Variants in CNIH3 observed in about 807,000 individuals in gnomAD.
CNIH3 encodes cornichon family AMPA receptor auxiliary protein 3.
Under a neutral mutation model 24.1 loss-of-function variants are expected in CNIH3, and 14 were observed. The ratio of observed to expected loss-of-function variants is 0.58; its 90% CI spans 0.38 to 0.91. The LOEUF (loss-of-function observed/expected upper bound fraction) is 0.91, where lower values mean the gene tolerates loss of function less well. CNIH3 is among the 40% of genes least tolerant of loss of function. The pLI is 0.00. For missense variants in CNIH3, 178 were observed against 196.8 expected (o/e 0.90, Z 0.57); for synonymous variants, 68 against 73.8 (o/e 0.92, Z 0.40).
intron 1 of CNIH3, among the ~76,000 whole-genome samples, chr1:224,449,750 A>G (rs893448120): frequency 5.9e-5 from 9 of 152,222 alleles, no homozygotes; most frequent in African/African-American, 1.7e-4. Flanking sequence ...TGCTTACATG[A>G]TAAAATCTAA....
At chr1:224,479,412 C>T (rs1288508190) in intron 1 of CNIH3, among the ~76,000 whole-genome samples, 3 of 152,224 alleles carry the variant, frequency 2.0e-5, no homozygotes, top group African/African-American at 7.2e-5. Flanking sequence ...CCTTGGCCTC[C>T]CAAAGTGCTG....
At chr1:224,463,548 AG>A (rs1205338612) in intron 1 of CNIH3, among the ~76,000 whole-genome samples, 1 of 151,684 alleles carries the variant, frequency 6.6e-6, no homozygotes, top group Non-Finnish European at 1.5e-5. Context: ...AGCTGGGGTT[AG>A]GCATGTGCCA....
upstream of CNIH3, among the ~76,000 whole-genome samples, chr1:224,613,637 G>A (rs552486065): frequency 3.7e-4 from 57 of 152,214 alleles, no homozygotes; most frequent in South Asian, 2.1e-3. Flanking sequence ...TGCTGTCCTC[G>A]CAATAAAGAG....
chr1:224,530,537 T>G (rs58444825), intron 2 of CNIH3, among the ~76,000 whole-genome samples: 2,063 of 152,226 alleles, frequency 0.014, 55 homozygotes, highest in African/African-American at 0.047. Flanking sequence ...CTGAGACACA[T>G]CCAAAACTAC....
chr1:224,624,383 C>T (rs551629905), intron 1 of CNIH3, among the ~76,000 whole-genome samples: 1 of 152,306 alleles, frequency 6.6e-6, no homozygotes, highest in African/African-American at 2.4e-5. Flanking sequence ...CCTCCCAGAC[C>T]TGTCCCCCGA....
At chr1:224,501,525 A>T (rs199540972) in intron 1 of CNIH3, among the ~76,000 whole-genome samples, 6,079 of 92,686 alleles carry the variant, frequency 0.066, 203 homozygotes, top group Admixed American at 0.16. Flanking sequence ...ATATATATAT[A>T]TTTTTTTTTT....
At chr1:224,575,044 C>A in intron 4 of CNIH3, 1 of 883,704 alleles carries the variant, frequency 1.1e-6, no homozygotes, top group Non-Finnish European at 1.9e-6. Context: ...TACTGCCAGT[C>A]CAAAGGCATC....
chr1:224,587,496 G>T (rs1416026920), intron 5 of CNIH3: 1 of 152,192 alleles, frequency 6.6e-6, no homozygotes, highest in Non-Finnish European at 1.5e-5. Context: ...CTTTGGGAAG[G>T]GAAGGCACAC....
chr1:224,596,656 T>C (rs531294912), intron 3 of CNIH3, among the ~76,000 whole-genome samples: 1 of 152,316 alleles, frequency 6.6e-6, no homozygotes, highest in East Asian at 1.9e-4. Flanking sequence ...TTGTATATGT[T>C]TTTGTCTATG....
At chr1:224,518,655 G>A (rs1191793323) in intron 1 of CNIH3, among the ~76,000 whole-genome samples, 2 of 152,104 alleles carry the variant, frequency 1.3e-5, no homozygotes, top group African/African-American at 4.8e-5. Flanking sequence ...TCAGCCCATT[G>A]AGGTCTCTTC....
intron 3 of CNIH3, among the ~76,000 whole-genome samples, chr1:224,558,285 T>C (rs1680224988): frequency 6.6e-6 from 1 of 152,194 alleles, no homozygotes; most frequent in African/African-American, 2.4e-5. Flanking sequence ...CATGGAGGTC[T>C]CAGGGTTCCA....
intron 3 of CNIH3, among the ~76,000 whole-genome samples, chr1:224,686,872 C>T (rs936194422): frequency 6.6e-6 from 1 of 152,220 alleles, no homozygotes; most frequent in Admixed American, 6.5e-5. Flanking sequence ...TGCAGATTTG[C>T]ATATCGTTTG....
intron 2 of CNIH3, among the ~76,000 whole-genome samples, chr1:224,681,450 G>A (rs1376504052): frequency 1.3e-5 from 2 of 152,228 alleles, no homozygotes; most frequent in Non-Finnish European, 2.9e-5. Context: ...AATGCACAAA[G>A]TCCCTGGCGC....
At chr1:224,520,061 A>G (rs1678563738) in intron 1 of CNIH3, among the ~76,000 whole-genome samples, 1 of 152,152 alleles carries the variant, frequency 6.6e-6, no homozygotes, top group Non-Finnish European at 1.5e-5. Context: ...CCTTTCTCCC[A>G]GGGTGACTCA....
At chr1:224,447,874 T>C (rs1013850347) in intron 1 of CNIH3, among the ~76,000 whole-genome samples, 1 of 152,166 alleles carries the variant, frequency 6.6e-6, no homozygotes. Flanking sequence ...TAGAGGTTAG[T>C]TAATGAAAAT....
At chr1:224,476,984 C>T (rs1676613648) in intron 1 of CNIH3, among the ~76,000 whole-genome samples, 1 of 152,216 alleles carries the variant, frequency 6.6e-6, no homozygotes, top group Non-Finnish European at 1.5e-5. Context: ...CCTCACCCTG[C>T]TCCCAAGCAG....
At chr1:224,492,014 C>A (rs1677254802) in intron 1 of CNIH3, among the ~76,000 whole-genome samples, 1 of 152,182 alleles carries the variant, frequency 6.6e-6, no homozygotes, top group Non-Finnish European at 1.5e-5. Flanking sequence ...CTTGGCCTCT[C>A]AAAGTGCTGG....
upstream of CNIH3, among the ~76,000 whole-genome samples, chr1:224,515,464 C>G (rs1161999507): frequency 1.3e-5 from 2 of 152,222 alleles, no homozygotes; most frequent in Admixed American, 6.5e-5. Context: ...TCCTCATTAG[C>G]AGCAGCACGC....
upstream of CNIH3, chr1:224,513,975 C>T (rs997698570): frequency 5.9e-5 from 9 of 152,356 alleles, no homozygotes; most frequent in Non-Finnish European, 1.0e-4. Context: ...CCTTCCCTCC[C>T]TTTGCTGATA....
Sources: gnomAD v4.1 joint callset for allele counts (sites outside exome capture counted in the v4.1 genomes callset) on GRCh38, gnomAD v4.1.1 for gene constraint, MANE v1.5 for transcripts, NCBI Gene and HGNC (gene_info 2026-07-23, HGNC 2026-07-21) for gene names.